Variants in DAAM1 observed in about 807,000 individuals in gnomAD.
The protein encoded by DAAM1 is dishevelled associated activator of morphogenesis 1.
A neutral mutation model predicts 130.0 loss-of-function variants in DAAM1; 52 were observed. That is an observed-to-expected ratio of 0.40 (90% confidence interval 0.32 to 0.50). DAAM1 has a LOEUF of 0.50. Ranked by LOEUF, DAAM1 falls within the 20% of genes least tolerant of loss-of-function variation. The probability of loss-of-function intolerance (pLI) is 0.61; values close to 1 mark genes in which losing one functional copy is unlikely to be tolerated. For missense variants in DAAM1, 1,134 were observed against 1,303.8 expected, an observed-to-expected ratio of 0.87 and a Z score of 2.01; for synonymous variants, 452 against 444.5, an observed-to-expected ratio of 1.02 and a Z score of -0.21.
intron 16 of DAAM1, among the ~76,000 whole-genome samples, chr14:59,346,711 A>G (rs1382167878): frequency 6.6e-6 from 1 of 152,210 alleles, no homozygotes; most frequent in Non-Finnish European, 1.5e-5. Flanking sequence ...GGGTAAGACT[A>G]TTGTTATATC....
At chr14:59,314,457 G>C (rs879600496) in intron 3 of DAAM1, among the ~76,000 whole-genome samples, 1 of 151,962 alleles carries the variant, frequency 6.6e-6, no homozygotes, top group Admixed American at 6.5e-5. Context: ...GGTGGAGCCA[G>C]AGGCCACAGC....
chr14:59,301,382 C>CGAAT (rs1019696395), intron 3 of DAAM1, among the ~76,000 whole-genome samples: 1 of 151,886 alleles, frequency 6.6e-6, no homozygotes, highest in Non-Finnish European at 1.5e-5. Flanking sequence ...AAATATTGAA[C>CGAAT]GAATTGTTCA....
chr14:59,301,761 AT>A (rs1160357437), intron 3 of DAAM1, among the ~76,000 whole-genome samples: 2 of 152,200 alleles, frequency 1.3e-5, no homozygotes, highest in African/African-American at 2.4e-5. Context: ...TCCTTTGGAT[AT>A]TCAGAAGTTG....
At chr14:59,346,488 C>T (rs900754276) in intron 16 of DAAM1, among the ~76,000 whole-genome samples, 3 of 151,968 alleles carry the variant, frequency 2.0e-5, no homozygotes, top group East Asian at 3.9e-4. Flanking sequence ...AAGTCTAGAC[C>T]AGGCATGGTG....
chr14:59,368,482 G>T (rs932270026), intron 24 of DAAM1, among the ~76,000 whole-genome samples, 168 bp from the exon 25 acceptor site: 2 of 152,026 alleles, frequency 1.3e-5, no homozygotes, highest in Non-Finnish European at 2.9e-5. Flanking sequence ...TCCTGCAATG[G>T]AGACCCCATG....
intron 3 of DAAM1, among the ~76,000 whole-genome samples, chr14:59,298,118 T>A (rs1053007582): frequency 6.6e-6 from 1 of 152,216 alleles, no homozygotes; most frequent in African/African-American, 2.4e-5. Context: ...TAAAAATTCA[T>A]GCAATGTATT....
At chr14:59,310,864 T>G (rs1884560507) in intron 3 of DAAM1, among the ~76,000 whole-genome samples, 1 of 152,172 alleles carries the variant, frequency 6.6e-6, no homozygotes, top group Non-Finnish European at 1.5e-5. Flanking sequence ...CTTCAGCCTG[T>G]GATTTGTGGT....
intron 1 of DAAM1, among the ~76,000 whole-genome samples, chr14:59,195,451 T>C (rs1376830264): frequency 6.6e-6 from 1 of 152,130 alleles, no homozygotes; most frequent in Non-Finnish European, 1.5e-5. Flanking sequence ...CCTCATCTTG[T>C]TATACTTTTT....
At chr14:59,368,613 GA>G in intron 24 of DAAM1, 36 bp from the exon 25 acceptor site, 5 of 1,584,932 alleles carry the variant, frequency 3.2e-6, no homozygotes, top group Non-Finnish European at 4.3e-6. Flanking sequence ...GCAACATTTT[GA>G]CATGTCTCAA....
Position 59,219,656 on chromosome 14 carries a change from G to A in DAAM1, c.-38+30888G>A, listed in dbSNP as rs866313671. Among the ~76,000 whole-genome samples the A allele has an allele frequency of 1.4e-4, 22 of 152,248 alleles. 1 individual carries two copies. Among genetic ancestry groups the A allele is most frequent in the Middle Eastern group, 6.8e-3 (2 of 294 alleles). On this transcript the variant is annotated intron_variant, in intron 1 of 24. Transcript: ENST00000360909. ...ACTGGAATTTCTGCTTTCTAGAATT[G>A]GATCTTAGGTATAGTCAAGACTTAG... is the stretch of plus-strand genomic sequence containing the variant.
At chr14:59,207,620 GAGTA>G (rs1479322817) in intron 1 of DAAM1, among the ~76,000 whole-genome samples, 5 of 152,230 alleles carry the variant, frequency 3.3e-5, no homozygotes, top group Non-Finnish European at 7.3e-5. Context: ...CTTGTTGAGA[GAGTA>G]AGAGTGAAAA....
At chr14:59,291,751 C>T (rs1412065665) in intron 3 of DAAM1, among the ~76,000 whole-genome samples, 6 of 152,110 alleles carry the variant, frequency 3.9e-5, no homozygotes, top group East Asian at 3.9e-4. Flanking sequence ...TCCAAACCAG[C>T]GATGGAAGAA....
At chr14:59,347,734 TGAG>T in intron 17 of DAAM1, 111 bp downstream of exon 17, 3 of 1,048,396 alleles carry the variant, frequency 2.9e-6, no homozygotes, top group South Asian at 1.5e-5. Flanking sequence ...ATCTATGAAT[TGAG>T]GAGGCTGAAC....
At chr14:59,237,325 T>C (rs1194264446) in intron 1 of DAAM1, among the ~76,000 whole-genome samples, 1 of 152,158 alleles carries the variant, frequency 6.6e-6, no homozygotes, top group Admixed American at 6.6e-5. Flanking sequence ...GGAATACATA[T>C]TAGAGGCTGT....
intron 23 of DAAM1, among the ~76,000 whole-genome samples, chr14:59,364,327 A>G (rs1473328061): frequency 2.0e-5 from 3 of 151,594 alleles, no homozygotes; most frequent in Non-Finnish European, 4.4e-5. Flanking sequence ...TCATTACAAG[A>G]GGTTTTTTTT....
rs72726402 is a variant in DAAM1 at position 59,368,053 on chromosome 14, G to C, written c.2997+454G>C. Among the ~76,000 whole-genome samples, 153 of 152,092 alleles carry C rather than the reference G, an allele frequency of 1.0e-3. No homozygotes were observed. The Middle Eastern group carries it at 0.024, about 24-fold the overall frequency. On this transcript the variant is annotated intron_variant, in intron 24 of 24. Coordinates refer to ENST00000360909, the MANE Select transcript of DAAM1 (RefSeq NM_001270520.2). ...TCTACATGAAATCTTTTTCTGTTTT[G>C]TTTTTTAAGGTGTGTTAATACATAT...
At chr14:59,329,317 A>T (rs1217790821) in intron 12 of DAAM1, among the ~76,000 whole-genome samples, 1 of 152,180 alleles carries the variant, frequency 6.6e-6, no homozygotes, top group African/African-American at 2.4e-5. Context: ...TGAAATGGAG[A>T]TAAAAGAAGG....
At chr14:59,222,517 G>A (rs568488475) in intron 1 of DAAM1, among the ~76,000 whole-genome samples, 1 of 152,308 alleles carries the variant, frequency 6.6e-6, no homozygotes, top group East Asian at 1.9e-4. Context: ...AGCAGTGGCT[G>A]TAGCCAGGTC....
chr14:59,296,156 C>A (rs543961176), intron 3 of DAAM1, among the ~76,000 whole-genome samples: 2 of 152,328 alleles, frequency 1.3e-5, no homozygotes, highest in East Asian at 3.9e-4. Flanking sequence ...CCTTTCCTCC[C>A]TACCTCTCTA....
Sources: gnomAD v4.1 joint callset for allele counts (sites outside exome capture counted in the v4.1 genomes callset) on GRCh38, gnomAD v4.1.1 for gene constraint, MANE v1.5 for transcripts, NCBI Gene and HGNC (gene_info 2026-07-23, HGNC 2026-07-21) for gene names.